FHIT: variants seen among roughly 807,000 people sequenced by gnomAD.
The protein encoded by FHIT is bis(5'-adenosyl)-triphosphatase.
A neutral mutation model predicts 17.9 loss-of-function variants in FHIT; 19 were observed. The ratio of observed to expected loss-of-function variants is 1.06; its 90% CI spans 0.74 to 1.56. The LOEUF (loss-of-function observed/expected upper bound fraction) is 1.56. Ranked by LOEUF, FHIT falls within the 40% of genes most tolerant of loss-of-function variation. The probability of loss-of-function intolerance (pLI) is 0.00; values close to 1 mark genes in which losing one functional copy is unlikely to be tolerated. For missense variants in FHIT, 248 were observed against 189.2 expected (o/e 1.31, Z -1.82); for synonymous variants, 81 against 69.7 (o/e 1.16, Z -0.81).
chr3:59,881,134 C>G (rs1279813000), intron 8 of FHIT, among the ~76,000 whole-genome samples: 2 of 152,170 alleles, frequency 1.3e-5, no homozygotes, highest in Non-Finnish European at 2.9e-5. Flanking sequence ...CTCAACAATT[C>G]TCTTTTCATC....
intron 5 of FHIT, among the ~76,000 whole-genome samples, chr3:60,404,562 T>A (rs571337314): frequency 6.6e-6 from 1 of 152,134 alleles, no homozygotes; most frequent in Non-Finnish European, 1.5e-5. Flanking sequence ...TACAGATAGC[T>A]CTTTGATCCT....
At chr3:60,098,559 G>C (rs993504082) in intron 5 of FHIT, among the ~76,000 whole-genome samples, 4 of 151,928 alleles carry the variant, frequency 2.6e-5, no homozygotes, top group South Asian at 2.1e-4. Context: ...TTTTTGATGG[G>C]GTTGTTTGTT....
intron 5 of FHIT, among the ~76,000 whole-genome samples, chr3:60,017,443 T>C (rs1700387099): frequency 6.6e-6 from 1 of 152,180 alleles, no homozygotes; most frequent in South Asian, 2.1e-4. Context: ...TTTGGGTTGC[T>C]TCAAGGTGAC....
intron 5 of FHIT, among the ~76,000 whole-genome samples, chr3:60,468,735 ATTCT>A (rs1210789860): frequency 1.3e-5 from 2 of 152,246 alleles, no homozygotes; most frequent in East Asian, 3.9e-4. Flanking sequence ...GTGTTATGAT[ATTCT>A]TTATTTTTCT....
intron 2 of FHIT, among the ~76,000 whole-genome samples, chr3:61,119,116 C>G (rs1233047230): frequency 6.6e-6 from 1 of 152,176 alleles, no homozygotes; most frequent in Admixed American, 6.5e-5. Flanking sequence ...CTGCAATTTA[C>G]TAATCTGCAC....
At chr3:60,140,310 A>G (rs1039112087) in intron 5 of FHIT, among the ~76,000 whole-genome samples, 4 of 152,240 alleles carry the variant, frequency 2.6e-5, no homozygotes, top group African/African-American at 9.6e-5. Flanking sequence ...CTCCCCTCAC[A>G]TGAAGAAATT....
chr3:60,014,984 T>G (rs1298950824), intron 5 of FHIT, among the ~76,000 whole-genome samples: 1 of 151,192 alleles, frequency 6.6e-6, no homozygotes, highest in Non-Finnish European at 1.5e-5. Context: ...TCAATAACAT[T>G]TCAGTCACTA....
intron 4 of FHIT, among the ~76,000 whole-genome samples, chr3:60,584,183 C>T (rs995981499): frequency 6.6e-5 from 10 of 152,028 alleles, no homozygotes; most frequent in African/African-American, 1.9e-4. Context: ...TATTTTTCAG[C>T]ATTTTGTGAG....
At chr3:60,806,565 C>T (rs1701396843) in intron 4 of FHIT, among the ~76,000 whole-genome samples, 1 of 152,228 alleles carries the variant, frequency 6.6e-6, no homozygotes, top group African/African-American at 2.4e-5. Flanking sequence ...GCAGATTCCT[C>T]ACATCAATAC....
At chr3:59,977,037 G>A (rs912396641) in intron 7 of FHIT, among the ~76,000 whole-genome samples, 20 of 152,038 alleles carry the variant, frequency 1.3e-4, no homozygotes, top group African/African-American at 4.3e-4. Flanking sequence ...AGTGAAAACT[G>A]GTGAAATTAT....
intron 4 of FHIT, among the ~76,000 whole-genome samples, chr3:60,649,632 TGA>T (rs558413087): frequency 8.1e-4 from 124 of 152,246 alleles, no homozygotes; most frequent in Non-Finnish European, 1.5e-3. Context: ...GTCAATTGTG[TGA>T]GTGTGTGTAT....
At chr3:60,123,388 A>T (rs558060202) in intron 5 of FHIT, among the ~76,000 whole-genome samples, 14 of 152,320 alleles carry the variant, frequency 9.2e-5, no homozygotes, top group Admixed American at 9.2e-4. Context: ...ACATAAACTC[A>T]TTCTAAAGTC....
At chr3:60,020,952 C>G (rs1399140025) in intron 5 of FHIT, among the ~76,000 whole-genome samples, 1 of 152,144 alleles carries the variant, frequency 6.6e-6, no homozygotes, top group African/African-American at 2.4e-5. Context: ...GAAGAAGCAT[C>G]TTGCTTTGTT....
intron 5 of FHIT, among the ~76,000 whole-genome samples, chr3:60,025,048 C>A (rs956517719): frequency 2.0e-5 from 3 of 151,948 alleles, no homozygotes; most frequent in Non-Finnish European, 4.4e-5. Flanking sequence ...CTAATGGGGG[C>A]AAAAAGGAAG....
chr3:61,152,028 C>A (rs1290367281), intron 2 of FHIT, among the ~76,000 whole-genome samples: 4 of 152,232 alleles, frequency 2.6e-5, no homozygotes, highest in African/African-American at 9.6e-5. Flanking sequence ...TTTCTTTCTT[C>A]TTTATATTGT....
chr3:60,441,680 T>A (rs2030813491), intron 5 of FHIT, among the ~76,000 whole-genome samples: 1 of 141,320 alleles, frequency 7.1e-6, no homozygotes, highest in African/African-American at 2.6e-5. Context: ...GAAGAATTGA[T>A]ATTTGATGCA....
chr3:60,315,083 G>C (rs1709106216), intron 5 of FHIT, among the ~76,000 whole-genome samples: 1 of 152,104 alleles, frequency 6.6e-6, no homozygotes, highest in South Asian at 2.1e-4. Context: ...GGAAGCCCAA[G>C]ACAGCATGTG....
At chr3:59,984,092 G>A (rs914990614) in intron 7 of FHIT, among the ~76,000 whole-genome samples, 10 of 152,004 alleles carry the variant, frequency 6.6e-5, no homozygotes, top group African/African-American at 2.4e-4. Context: ...AATATTCCAA[G>A]GTGAAACTCA....
intron 5 of FHIT, among the ~76,000 whole-genome samples, chr3:60,410,977 G>A (rs1271719426): frequency 2.6e-5 from 4 of 152,106 alleles, no homozygotes; most frequent in African/African-American, 4.8e-5. Flanking sequence ...GAGCCCTGAG[G>A]CAGATAGAAA....
Sources: gnomAD v4.1 joint callset for allele counts (sites outside exome capture counted in the v4.1 genomes callset) on GRCh38, gnomAD v4.1.1 for gene constraint, MANE v1.5 for transcripts, NCBI Gene and HGNC (gene_info 2026-07-23, HGNC 2026-07-21) for gene names.